Variants in DMD observed in about 807,000 individuals in gnomAD.
The protein encoded by DMD is dystrophin.
A neutral mutation model predicts 330.1 loss-of-function variants in DMD; 63 were observed. The ratio of observed to expected loss-of-function variants is 0.19; its 90% CI spans 0.16 to 0.24. The LOEUF (loss-of-function observed/expected upper bound fraction) is 0.24. DMD is among the 10% of genes least tolerant of loss of function. The pLI, the probability that DMD is intolerant of heterozygous loss-of-function variation, is 1.00. For synonymous variants in DMD, 1,223 were observed against 959.8 expected (o/e 1.27, Z -5.07); for missense variants, 3,344 against 2,684.1 (o/e 1.25, Z -5.43).
At chrX:32,170,488 A>T (rs181134412) in intron 44 of DMD, among the ~76,000 whole-genome samples, 6,035 of 105,594 alleles carry the variant, frequency 0.057, 173 homozygotes, top group Middle Eastern at 0.083. Context: ...TAATAATAAT[A>T]ATTATTATTA....
At chrX:32,778,709 G>A (rs1385193145) in intron 7 of DMD, among the ~76,000 whole-genome samples, 2 of 111,478 alleles carry the variant, frequency 1.8e-5, no homozygotes, top group Non-Finnish European at 3.8e-5. Context: ...GCGAACAACA[G>A]TAGGTATAGT....
At chrX:32,956,164 C>T (rs2091571347) in intron 2 of DMD, among the ~76,000 whole-genome samples, 1 of 111,304 alleles carries the variant, frequency 9.0e-6, no homozygotes, top group African/African-American at 3.3e-5. Flanking sequence ...TTTATTGGTT[C>T]CATATGAACT....
intron 53 of DMD, among the ~76,000 whole-genome samples, chrX:31,673,653 C>T (rs753992474): frequency 3.6e-5 from 4 of 111,424 alleles, no homozygotes; most frequent in East Asian, 2.8e-4. Context: ...AAGATGATTT[C>T]GAAAATTTTT....
chrX:31,348,540 G>T lies in DMD; in HGVS notation c.9163+16C>A. The T allele has an allele frequency of 8.3e-7, 1 of 1,197,686 alleles. No individual in the cohort carries two copies. Among genetic ancestry groups the T allele is most frequent in the Non-Finnish European group, 1.1e-6 (1 of 883,376 alleles). On this transcript the variant is annotated intron_variant, in intron 61 of 78. Coordinates refer to ENST00000357033, the MANE Select transcript of DMD (RefSeq NM_004006.3). ...GATGCAATAAAGTTAAGTGATAAAA[G>T]CTGAAAATGACTTACTGGAAAGAAA...
At chrX:32,068,175 CT>C (rs1430718939) in intron 44 of DMD, among the ~76,000 whole-genome samples, 2 of 110,931 alleles carry the variant, frequency 1.8e-5, no homozygotes, top group African/African-American at 6.6e-5. Flanking sequence ...CTGTTCATGT[CT>C]TTTGCCCATT....
chrX:32,937,231 C>T (rs967206779), intron 2 of DMD, among the ~76,000 whole-genome samples: 5 of 110,511 alleles, frequency 4.5e-5, no homozygotes, highest in African/African-American at 1.7e-4. Flanking sequence ...AACTGTCCAG[C>T]AGAAGCTCTG....
At chrX:31,383,333 A>G (rs1027001207) in intron 60 of DMD, among the ~76,000 whole-genome samples, 2 of 112,201 alleles carry the variant, frequency 1.8e-5, no homozygotes, top group Non-Finnish European at 3.8e-5. Context: ...TGCTCACACA[A>G]AGACTGTTTG....
intron 48 of DMD, among the ~76,000 whole-genome samples, chrX:31,870,988 T>C (rs1338609462): frequency 1.8e-5 from 2 of 112,207 alleles, no homozygotes; most frequent in Non-Finnish European, 3.8e-5. Context: ...TAGCTCATTA[T>C]TGAAAGCATT....
At chrX:32,597,968 A>T (rs1034812123) in intron 12 of DMD, among the ~76,000 whole-genome samples, 2 of 112,219 alleles carry the variant, frequency 1.8e-5, no homozygotes, top group African/African-American at 6.5e-5. Context: ...TGCTGTCCCT[A>T]CTTGCAAAAC....
At chrX:31,627,440 A>T (rs1166024847) in intron 55 of DMD, among the ~76,000 whole-genome samples, 2 of 112,272 alleles carry the variant, frequency 1.8e-5, no homozygotes, top group African/African-American at 6.5e-5. Flanking sequence ...TTATATGCAA[A>T]TGTTTTCCTG....
intron 60 of DMD, among the ~76,000 whole-genome samples, chrX:31,391,200 G>A (rs1263559733): frequency 9.1e-6 from 1 of 110,263 alleles, no homozygotes; most frequent in East Asian, 2.9e-4. Flanking sequence ...ACCCAGGCTG[G>A]AGCACAGTGA....
intron 43 of DMD, among the ~76,000 whole-genome samples, chrX:32,263,971 T>C (rs1230388130): frequency 8.9e-6 from 1 of 111,808 alleles, no homozygotes; most frequent in African/African-American, 3.3e-5. Flanking sequence ...AAAAAACAAA[T>C]GTCTACAAAT....
At chrX:32,538,822 C>T (rs2048231138) in intron 17 of DMD, among the ~76,000 whole-genome samples, 1 of 110,845 alleles carries the variant, frequency 9.0e-6, no homozygotes, top group African/African-American at 3.3e-5. Flanking sequence ...GTTGTCATGC[C>T]AGTGCGAGGG....
intron 11 of DMD, among the ~76,000 whole-genome samples, chrX:32,615,792 A>G (rs751538650): frequency 9.0e-6 from 1 of 111,679 alleles, no homozygotes; most frequent in South Asian, 3.7e-4. Context: ...ACTTGCACTC[A>G]GTCTCCCGTT....
intron 13 of DMD, among the ~76,000 whole-genome samples, chrX:32,591,269 G>C (rs942974946): frequency 3.6e-5 from 4 of 111,674 alleles, no homozygotes; most frequent in African/African-American, 1.3e-4. Flanking sequence ...AATTCTCCTG[G>C]TTCTATGACC....
At chrX:31,172,984 A>G (rs1409412736) in intron 72 of DMD, among the ~76,000 whole-genome samples, 1 of 111,837 alleles carries the variant, frequency 8.9e-6, no homozygotes, top group Non-Finnish European at 1.9e-5. Context: ...ACAACTAAAA[A>G]AGTTAACCAA....
intron 52 of DMD, among the ~76,000 whole-genome samples, chrX:31,682,487 A>G (rs1239036144): frequency 4.5e-5 from 5 of 111,967 alleles, no homozygotes; most frequent in Non-Finnish European, 9.4e-5. Flanking sequence ...AATGGTGTAA[A>G]TGCTCTTATA....
chrX:32,775,150 G>T (rs1053676558), intron 7 of DMD, among the ~76,000 whole-genome samples: 49 of 112,796 alleles, frequency 4.3e-4, no homozygotes, highest in African/African-American at 1.6e-3. Context: ...CTGATGCAAG[G>T]GGTGGGCTCC....
At chrX:32,445,112 G>T (rs1032341537) in intron 27 of DMD, among the ~76,000 whole-genome samples, 3 of 111,653 alleles carry the variant, frequency 2.7e-5, no homozygotes, top group Non-Finnish European at 5.7e-5. Flanking sequence ...GTTGACAAGC[G>T]TCAGCTTGAA....
Sources: allele counts gnomAD v4.1 joint callset (sites outside exome capture counted in the v4.1 genomes callset), GRCh38; gene constraint gnomAD v4.1.1; transcripts MANE v1.5; gene names NCBI Gene and HGNC (gene_info 2026-07-23, HGNC 2026-07-21).